Variants in CLNK observed in about 807,000 individuals in gnomAD.
CLNK encodes the protein cytokine dependent hematopoietic cell linker.
In CLNK, 74 loss-of-function variants were observed where a neutral mutation model predicts 68.6. That is an observed-to-expected ratio of 1.08 (90% CI 0.89 to 1.31). The LOEUF is 1.31. Among genes scored for constraint, CLNK ranks in the 50% most tolerant of loss-of-function variants. The probability of loss-of-function intolerance (pLI) is 0.00; values close to 1 mark genes in which losing one functional copy is unlikely to be tolerated. For synonymous variants in CLNK, 198 were observed against 172.2 expected (o/e 1.15, Z -1.17); for missense variants, 553 against 515.3 (o/e 1.07, Z -0.71).
chr4:10,657,244 A>T (rs777843177), intron 2 of CLNK, among the ~76,000 whole-genome samples: 1 of 152,216 alleles, frequency 6.6e-6, no homozygotes, highest in African/African-American at 2.4e-5. Context: ...AAACCAAAGT[A>T]TTTATAATGA....
intron 8 of CLNK, among the ~76,000 whole-genome samples, chr4:10,557,221 C>T (rs2108817771): frequency 6.6e-6 from 1 of 152,248 alleles, no homozygotes; most frequent in African/African-American, 2.4e-5. Flanking sequence ...CTGGCACTTC[C>T]TGCTGTGAGT....
chr4:10,543,486 T>C (rs1024228741), intron 8 of CLNK, among the ~76,000 whole-genome samples: 3 of 152,310 alleles, frequency 2.0e-5, no homozygotes, highest in African/African-American at 7.2e-5. Flanking sequence ...TTTAACCATG[T>C]GCTGAAGAGC....
chr4:10,580,980 G>A lies in CLNK; in HGVS notation c.112+3947C>T, dbSNP rs75339413. 6.2e-3 allele frequency among the ~76,000 whole-genome samples: 949 copies of A among 152,214 alleles called. 2 individuals are homozygous for A. The highest frequency in any genetic ancestry group is 8.6e-3 in the Non-Finnish European group (583 of 68,010). On this transcript the variant is annotated intron_variant, in intron 4 of 18. Coordinates refer to ENST00000226951, the MANE Select transcript of CLNK (RefSeq NM_052964.4). ...ACTCATTCAGAGAAATTTCCAGTCC[G>A]CAAGCTCCCTTTATGGTAAGTGTCC...
chr4:10,716,460 G>A, the CLNK span, among the ~76,000 whole-genome samples: 29 of 152,110 alleles, frequency 1.9e-4, no homozygotes, highest in African/African-American at 6.3e-4. Context: ...ATTTGAGAAA[G>A]CTTAATTGTG....
chr4:10,642,548 A>C (rs535413619), intron 2 of CLNK, among the ~76,000 whole-genome samples: 1 of 152,332 alleles, frequency 6.6e-6, no homozygotes, highest in East Asian at 1.9e-4. Context: ...AGAAGACAGA[A>C]TGAGCATTAG....
chr4:10,501,311 C>T lies in CLNK; in HGVS notation c.1085G>A (p.Arg362His), dbSNP rs199925446. 5.7e-4 allele frequency: 911 copies of T among 1,607,104 alleles called. 1 individual carries two copies. The highest frequency in any genetic ancestry group is 7.1e-4 in the Non-Finnish European group (833 of 1,177,602). ...AAACTGCTGATTCCTCTCCAGGAAG[C>T]GTATTTTTACATTGTAGACTTTGTT... ...YENKVYNVKI[R>H]FLERNQQFAL... The change falls in exon 18 of 19, where the codon CGC (arginine) becomes CAC (histidine). Residue 362 changes from arginine (R) to histidine (H), a missense_variant. Coordinates refer to ENST00000226951, the MANE Select transcript of CLNK (RefSeq NM_052964.4).
intron 15 of CLNK, 74 bp from the exon 16 acceptor site, chr4:10,513,671 C>G: frequency 6.9e-7 from 1 of 1,453,412 alleles, no homozygotes; most frequent in Non-Finnish European, 9.2e-7. Flanking sequence ...CAGAAAGGAG[C>G]TGAAACCCTT....
At chr4:10,698,909 A>C in the CLNK span, among the ~76,000 whole-genome samples, 1 of 152,150 alleles carries the variant, frequency 6.6e-6, no homozygotes, top group Non-Finnish European at 1.5e-5. Context: ...AAGATGGCTG[A>C]GTAGGAGGGA....
chr4:10,518,333 A>G (rs1392702819), intron 15 of CLNK, among the ~76,000 whole-genome samples: 2 of 152,322 alleles, frequency 1.3e-5, no homozygotes, highest in Non-Finnish European at 2.9e-5. Flanking sequence ...ATTGCTAGAG[A>G]AACACAGTTC....
intron 18 of CLNK, among the ~76,000 whole-genome samples, chr4:10,490,937 G>T (rs376168531): frequency 1.3e-5 from 2 of 151,734 alleles, no homozygotes; most frequent in Non-Finnish European, 2.9e-5. Flanking sequence ...GCTAATTTTT[G>T]TATTTTTAGT....
the CLNK span, among the ~76,000 whole-genome samples, chr4:10,728,596 CTT>C: frequency 1.6e-5 from 2 of 124,408 alleles, no homozygotes; most frequent in Non-Finnish European, 3.3e-5. Flanking sequence ...TTCTTTCTTT[CTT>C]TCTTTCTTTT....
At chr4:10,656,331 C>CAAA (rs33941894) in intron 2 of CLNK, among the ~76,000 whole-genome samples, 2 of 89,444 alleles carry the variant, frequency 2.2e-5, no homozygotes, top group Non-Finnish European at 2.1e-5. Context: ...AATGCCTGAC[C>CAAA]AAAAAAAAAA....
intron 2 of CLNK, among the ~76,000 whole-genome samples, chr4:10,667,011 C>T (rs1021776547): frequency 2.0e-5 from 3 of 152,204 alleles, no homozygotes; most frequent in Non-Finnish European, 4.4e-5. Context: ...TCAGGACATC[C>T]ACCCAGAAAC....
chr4:10,732,081 A>G, the CLNK span, among the ~76,000 whole-genome samples: 2 of 152,264 alleles, frequency 1.3e-5, no homozygotes, highest in East Asian at 3.8e-4. Context: ...TTATTATACA[A>G]AAATGACCTC....
intron 8 of CLNK, among the ~76,000 whole-genome samples, chr4:10,545,528 G>A (rs558600230): frequency 1.3e-5 from 2 of 152,148 alleles, no homozygotes; most frequent in East Asian, 3.9e-4. Context: ...GGTTGGCAAT[G>A]CACACCAGTA....
chr4:10,607,102 C>T (rs1414752546), intron 2 of CLNK, among the ~76,000 whole-genome samples: 1 of 152,188 alleles, frequency 6.6e-6, no homozygotes, highest in Non-Finnish European at 1.5e-5. Flanking sequence ...AATGAACAGA[C>T]TCTGTTGATG....
At chr4:10,587,681 C>G (rs1456346466) in intron 3 of CLNK, among the ~76,000 whole-genome samples, 1 of 152,182 alleles carries the variant, frequency 6.6e-6, no homozygotes, top group Non-Finnish European at 1.5e-5. Flanking sequence ...ATGAAATAAC[C>G]TGTGGGCTCG....
intron 2 of CLNK, among the ~76,000 whole-genome samples, chr4:10,618,964 A>T (rs976999278): frequency 6.6e-6 from 1 of 152,230 alleles, no homozygotes; most frequent in Admixed American, 6.5e-5. Context: ...ACCATATTGT[A>T]TGCCTAAATA....
chr4:10,560,459 G>A (rs912373551), intron 7 of CLNK, among the ~76,000 whole-genome samples: 4 of 151,878 alleles, frequency 2.6e-5, no homozygotes, highest in East Asian at 1.9e-4. Context: ...TCACTCTGTC[G>A]CTCCGGCTGG....
Sources: allele counts gnomAD v4.1 joint callset (sites outside exome capture counted in the v4.1 genomes callset), GRCh38; gene constraint gnomAD v4.1.1; transcripts MANE v1.5; gene names NCBI Gene and HGNC (gene_info 2026-07-23, HGNC 2026-07-21).